Variants in TAFA5 observed in about 807,000 individuals in gnomAD.
The protein encoded by TAFA5 is TAFA chemokine like family member 5, also known as chemokine-like protein TAFA-5.
Under a neutral mutation model 15.3 loss-of-function variants are expected in TAFA5, and 6 were observed. The ratio of observed to expected loss-of-function variants is 0.39; its 90% CI spans 0.21 to 0.77. The LOEUF (loss-of-function observed/expected upper bound fraction) is 0.77. TAFA5 is among the 30% of genes least tolerant of loss of function. The pLI is 0.41. For synonymous variants in TAFA5, 103 were observed against 80.7 expected (o/e 1.28, Z -1.48); for missense variants, 161 against 193.1 (o/e 0.83, Z 0.98).
chr22:48,665,634 A>G (rs2147217658), intron 2 of TAFA5, among the ~76,000 whole-genome samples: 1 of 152,276 alleles, frequency 6.6e-6, no homozygotes, highest in South Asian at 2.1e-4. Context: ...TCATTTATTG[A>G]AAAGTTCTAG....
intron 1 of TAFA5, among the ~76,000 whole-genome samples, chr22:48,542,103 TGTG>T (rs2147119747): frequency 2.4e-5 from 1 of 41,054 alleles, no homozygotes; most frequent in East Asian, 4.8e-4. Context: ...GTGATGTGTG[TGTG>T]GTGTGTGTGT....
intron 1 of TAFA5, among the ~76,000 whole-genome samples, chr22:48,500,666 C>T (rs909880282): frequency 5.3e-5 from 8 of 152,224 alleles, no homozygotes; most frequent in Non-Finnish European, 1.0e-4. Context: ...TTGCGCTTCC[C>T]GTGACGACGT....
At chr22:48,584,500 ACAC>A (rs1207823948) in intron 1 of TAFA5, among the ~76,000 whole-genome samples, 1 of 117,584 alleles carries the variant, frequency 8.5e-6, no homozygotes, top group African/African-American at 2.7e-5. Context: ...CACACAAAAT[ACAC>A]CACACACACA....
At position 48,532,820 on chromosome 22, in the gene TAFA5, C is replaced by T. The variant is rs150990471; in HGVS notation, c.112+43116C>T. On this transcript the variant is annotated intron_variant, in intron 1 of 3. Transcript: ENST00000402357. ...CCTGCCCCGGCTCCCATCGGGAAGA[C>T]GGGCTGGGAGCATCTGAGGAATGAG... 5.9e-3 allele frequency among the ~76,000 whole-genome samples: 899 copies of T among 152,306 alleles called. 6 individuals carry two copies. Among genetic ancestry groups the T allele is most frequent in the Non-Finnish European group, 7.4e-3 (501 of 68,026 alleles).
chr22:48,558,268 C>A (rs1054973608), intron 1 of TAFA5, among the ~76,000 whole-genome samples: 2 of 152,332 alleles, frequency 1.3e-5, no homozygotes, highest in East Asian at 3.9e-4. Flanking sequence ...GGCAAATCAT[C>A]GTCTGCTTTT....
At chr22:48,544,553 G>A (rs1016151416) in intron 1 of TAFA5, 5 of 396,946 alleles carry the variant, frequency 1.3e-5, no homozygotes, top group Non-Finnish European at 2.6e-5. Context: ...GGGTGCAACG[G>A]CGCTAACTGC....
chr22:48,700,681 C>T (rs1928877917), intron 2 of TAFA5, among the ~76,000 whole-genome samples: 1 of 152,170 alleles, frequency 6.6e-6, no homozygotes, highest in Non-Finnish European at 1.5e-5. Flanking sequence ...GCACGCACTC[C>T]AGGGGCAGGG....
intron 1 of TAFA5, among the ~76,000 whole-genome samples, chr22:48,515,374 C>T (rs370739209): frequency 3.3e-5 from 5 of 152,358 alleles, no homozygotes; most frequent in African/African-American, 9.6e-5. Context: ...ATCACCTGAT[C>T]GCAGCTGTCT....
chr22:48,545,310 G>T, intron 1 of TAFA5: 1 of 247,872 alleles, frequency 4.0e-6, no homozygotes, highest in South Asian at 5.9e-5. Context: ...GCCTCAGAGG[G>T]GGCTGGATCT....
chr22:48,671,241 A>G (rs2057204), intron 2 of TAFA5, among the ~76,000 whole-genome samples: 129,525 of 152,214 alleles, frequency 0.85, 55,724 homozygotes, highest in East Asian at 1. Context: ...CAGGAGGACC[A>G]GAATGAGCAG....
chr22:48,655,794 C>T (rs983457639), intron 2 of TAFA5, among the ~76,000 whole-genome samples: 18 of 147,860 alleles, frequency 1.2e-4, no homozygotes, highest in African/African-American at 3.3e-4. Context: ...GTTGAAGGCA[C>T]GGTCCTGCCT....
At chr22:48,635,030 GA>G (rs1190552045) in intron 1 of TAFA5, among the ~76,000 whole-genome samples, 4 of 152,230 alleles carry the variant, frequency 2.6e-5, no homozygotes, top group Non-Finnish European at 5.9e-5. Context: ...CCTGGTCAGG[GA>G]GGTGCCCGGG....
chr22:48,538,690 C>G (rs1263850303), intron 1 of TAFA5, among the ~76,000 whole-genome samples: 1 of 152,204 alleles, frequency 6.6e-6, no homozygotes, highest in African/African-American at 2.4e-5. Flanking sequence ...TACTTCCCGG[C>G]ATGGTCTTGC....
intron 1 of TAFA5, chr22:48,546,691 A>AC (rs2147123983): frequency 4.5e-6 from 2 of 440,668 alleles, no homozygotes; most frequent in South Asian, 1.6e-5. Context: ...TGGGGGGCTC[A>AC]CCTCCATTCC....
intron 2 of TAFA5, among the ~76,000 whole-genome samples, chr22:48,682,901 C>T (rs747953531): frequency 4.6e-5 from 7 of 152,118 alleles, no homozygotes; most frequent in East Asian, 1.9e-4. Context: ...AGGCTTGACA[C>T]GCGTGGAGTC....
At chr22:48,698,539 A>G (rs908409399) in intron 2 of TAFA5, among the ~76,000 whole-genome samples, 9 of 151,154 alleles carry the variant, frequency 6.0e-5, no homozygotes, top group Admixed American at 2.0e-4. Flanking sequence ...ACAGGGTTCT[A>G]CCCATGATGG....
intron 3 of TAFA5, among the ~76,000 whole-genome samples, chr22:48,746,149 G>T (rs1011843738): frequency 2.6e-5 from 4 of 151,822 alleles, no homozygotes; most frequent in African/African-American, 9.7e-5. Context: ...TCCGGCCCCT[G>T]TCCTTGTGGT....
intron 1 of TAFA5, among the ~76,000 whole-genome samples, chr22:48,510,679 C>T (rs947591815): frequency 2.0e-5 from 3 of 152,208 alleles, no homozygotes; most frequent in Non-Finnish European, 4.4e-5. Flanking sequence ...TTGAAGGCCT[C>T]CTCCTCCTCC....
chr22:48,493,570 G>A (rs1928226529), intron 1 of TAFA5, among the ~76,000 whole-genome samples: 1 of 152,238 alleles, frequency 6.6e-6, no homozygotes, highest in Non-Finnish European at 1.5e-5. Flanking sequence ...GAGGCTTAAT[G>A]AAGTGGTGCC....
Sources: allele counts gnomAD v4.1 joint callset (sites outside exome capture counted in the v4.1 genomes callset), GRCh38; gene constraint gnomAD v4.1.1; transcripts MANE v1.5; gene names NCBI Gene and HGNC (gene_info 2026-07-23, HGNC 2026-07-21).